MCUR1: variants seen among roughly 807,000 people sequenced by gnomAD.
MCUR1 encodes MCU regulator 1.
Under a neutral mutation model 42.0 loss-of-function variants are expected in MCUR1, and 37 were observed. The ratio of observed to expected loss-of-function variants is 0.88; its 90% CI spans 0.68 to 1.16. MCUR1 has a LOEUF of 1.16. MCUR1 is among the 50% of genes most tolerant of loss of function. The pLI is 0.00. For missense variants in MCUR1, 469 were observed against 468.4 expected (o/e 1.00, Z -0.01); for synonymous variants, 229 against 196.2 (o/e 1.17, Z -1.40).
rs1760323554 is a variant in MCUR1 at position 13,814,357 on chromosome 6, C to T, written c.73G>A (p.Val25Met). 6.6e-7 allele frequency: 1 copy of T among 1,523,012 alleles called. No homozygotes were observed. The highest frequency in any genetic ancestry group is 8.7e-7 in the Non-Finnish European group (1 of 1,143,700). 94.3% of individuals were successfully genotyped at this position (1,523,012 alleles called of 1,614,324 possible). Residue 25 changes from valine (V) to methionine (M), a missense_variant, in exon 1 of 9, where the codon GTG becomes ATG. Transcript: ENST00000379170. Reference protein sequence around the residue: ...PGRQRLLFLPVGLSGRPGGSE... With the variant: ...PGRQRLLFLPMGLSGRPGGSE... ...CCGCCCGGTCTTCCGCTGAGGCCCA[C>T]GGGCAAGAAGAGAAGCCGCTGGCGG...
intron 1 of MCUR1, among the ~76,000 whole-genome samples, chr6:13,808,146 C>T (rs917909339): frequency 1.5e-4 from 23 of 152,208 alleles, no homozygotes; most frequent in African/African-American, 5.3e-4. Flanking sequence ...TTCCCCGACA[C>T]GTGTGCTGTT....
chr6:13,796,369 T>C (rs1759856438), intron 6 of MCUR1, among the ~76,000 whole-genome samples: 1 of 150,692 alleles, frequency 6.6e-6, no homozygotes, highest in African/African-American at 2.5e-5. Context: ...CTCACTGCAA[T>C]CTCTGCCTCC....
Position 13,796,850 on chromosome 6 carries a change from TAC to T in MCUR1, c.855+1981_855+1982del, listed in dbSNP as rs530136051. ...TGTAGTTTTTCCCAGGTTGGTTAGC[TAC>T]ACACAGTCATTTTCCTATATCAAGT... On this transcript the variant is annotated intron_variant, in intron 6 of 8. Coordinates refer to ENST00000379170, the MANE Select transcript of MCUR1 (RefSeq NM_001031713.4). Among the ~76,000 whole-genome samples, 44 of 152,356 alleles carry T rather than the reference TAC, an allele frequency of 2.9e-4. No individual in the cohort carries two copies. The East Asian group carries it at 3.7e-3, about 13-fold the overall frequency.
chr6:13,795,251 G>C (rs1410899181), intron 6 of MCUR1, among the ~76,000 whole-genome samples: 5 of 152,106 alleles, frequency 3.3e-5, no homozygotes, highest in Non-Finnish European at 7.3e-5. Flanking sequence ...TTCAGACCAG[G>C]AGAGCCCGAT....
chr6:13,814,259 C>A lies in MCUR1; in HGVS notation c.171G>T (p.Pro57=). 1 of 1,474,918 alleles carries A rather than the reference C, an allele frequency of 6.8e-7. No individual in the cohort carries two copies. The highest frequency in any genetic ancestry group is 8.9e-7 in the Non-Finnish European group (1 of 1,120,516). 91.4% of individuals were successfully genotyped at this position (1,474,918 alleles called of 1,614,324 possible). A position where few individuals can be genotyped will look rare whatever the true frequency, so the allele number is the denominator to read the frequency against. ...DGLGALRPRA[P]AARGGVSRAS... ...CACGTGACACGCCGCCGCGGGCCGC[C>A]GGGGCGCGAGGGCGCAGCGCCCCCA... The change falls in exon 1 of 9, where the codon CCG becomes CCT. Residue 57 remains proline, a synonymous_variant. Coordinates refer to ENST00000379170, the MANE Select transcript of MCUR1 (RefSeq NM_001031713.4).
At chr6:13,813,350 C>A (rs1760279431) in intron 1 of MCUR1, among the ~76,000 whole-genome samples, 1 of 152,124 alleles carries the variant, frequency 6.6e-6, no homozygotes, top group Non-Finnish European at 1.5e-5. Flanking sequence ...ACTTCCCAAG[C>A]CTTATCCTAT....
intron 6 of MCUR1, among the ~76,000 whole-genome samples, chr6:13,797,879 C>G (rs1759892364): frequency 6.6e-6 from 1 of 150,474 alleles, no homozygotes; most frequent in South Asian, 2.1e-4. Context: ...TAAAAACTAG[C>G]CAGGTGTGGT....
Position 13,787,461 on chromosome 6 carries a change from T to G in MCUR1, c.*3348A>C, listed in dbSNP as rs376405891. The stretch of plus-strand genomic sequence containing the variant: ...CAGAAACAAAAAGTCATGTTTCCAG[T>G]AAAGAACCGTACACACAAGCAGGTT... On this transcript the variant is annotated 3_prime_UTR_variant, in exon 9 of 9. Transcript: ENST00000379170. 6.6e-6 allele frequency: 1 copy of G among 152,106 alleles called. No homozygotes were observed. The highest frequency in any genetic ancestry group is 1.9e-4 in the East Asian group (1 of 5,190). 9.4% of individuals were successfully genotyped at this position (152,106 alleles called of 1,614,324 possible).
At position 13,789,355 on chromosome 6, in the gene MCUR1, C is replaced by G. The variant is rs1353971354; in HGVS notation, c.*1454G>C. ...GGCAGAGGTTGCAGTGAGCAGAGATCACGACAATGCACTCCAGCCCTGCGA... is the reference window on the plus strand; with the variant it reads ...GGCAGAGGTTGCAGTGAGCAGAGATGACGACAATGCACTCCAGCCCTGCGA... On this transcript the variant is annotated 3_prime_UTR_variant, in exon 9 of 9. Coordinates refer to ENST00000379170, the MANE Select transcript of MCUR1 (RefSeq NM_001031713.4). 6.0e-5 allele frequency: 9 copies of G among 151,078 alleles called. No homozygotes were observed. The highest frequency in any genetic ancestry group is 2.2e-4 in the African/African-American group (9 of 40,976). 9.4% of individuals were successfully genotyped at this position (151,078 alleles called of 1,614,324 possible).
chr6:13,805,014 C>G (rs1352215048), intron 2 of MCUR1, among the ~76,000 whole-genome samples: 1 of 152,058 alleles, frequency 6.6e-6, no homozygotes, highest in African/African-American at 2.4e-5. Context: ...ATCTCAGACA[C>G]CCCCAACTCA....
intron 2 of MCUR1, chr6:13,804,234 G>A: frequency 5.2e-6 from 1 of 193,892 alleles, no homozygotes; most frequent in Non-Finnish European, 1.1e-5. Context: ...GAGGTGGGAG[G>A]ATCGCTTGAA....
chr6:13,801,966 ATAC>A (rs1760000765), intron 3 of MCUR1, among the ~76,000 whole-genome samples: 1 of 152,230 alleles, frequency 6.6e-6, no homozygotes, highest in Non-Finnish European at 1.5e-5. Context: ...TGATGCTATA[ATAC>A]TACAATTCAG....
intron 2 of MCUR1, among the ~76,000 whole-genome samples, chr6:13,802,917 T>C (rs767293714): frequency 2.0e-5 from 3 of 152,232 alleles, no homozygotes; most frequent in Non-Finnish European, 2.9e-5. Flanking sequence ...GCTAACTTCA[T>C]GTTAAAAGAC....
Position 13,814,537 on chromosome 6 carries a change from A to G in MCUR1, c.-108T>C. The G allele has an allele frequency of 8.9e-7, 1 of 1,119,558 alleles. No individual in the cohort carries two copies. Among genetic ancestry groups the G allele is most frequent in the East Asian group, 4.3e-5 (1 of 23,424 alleles). 69.4% of individuals were successfully genotyped at this position (1,119,558 alleles called of 1,614,324 possible). On this transcript the variant is annotated 5_prime_UTR_variant, in exon 1 of 9. Transcript: ENST00000379170. ...GACAGCGGGAGCGAGCGTGGGCCAC[A>G]GCGCAGGACCGCCCTTTCCTGCCGG... is the stretch of plus-strand genomic sequence containing the variant.
rs3207309 is a variant in MCUR1, at chr6:13,790,705, A to G, written c.*104T>C. On this transcript the variant is annotated 3_prime_UTR_variant, in exon 9 of 9. Coordinates refer to ENST00000379170, the MANE Select transcript of MCUR1 (RefSeq NM_001031713.4). ...TGACCTCAGGTAATCCACCTGCCTC[A>G]GCCTCCCAAAGTGCTGGAATTACAG... 1.1e-4 allele frequency: 85 copies of G among 784,260 alleles called. No individual in the cohort carries two copies. The African/African-American group carries it at 1.4e-3, about 13-fold the overall frequency. 48.6% of individuals were successfully genotyped at this position (784,260 alleles called of 1,614,324 possible). A position where few individuals can be genotyped will look rare whatever the true frequency, so the allele number is the denominator to read the frequency against.
rs1192622011 is a variant in MCUR1, at chr6:13,814,136, C to T, written c.294G>A (p.Gly98=). The change falls in exon 1 of 9, where the codon GGG becomes GGA. Residue 98 remains glycine, a synonymous_variant. Coordinates refer to ENST00000379170, the MANE Select transcript of MCUR1 (RefSeq NM_001031713.4). ...QLGDWERSRL[G]YAAPPAGRSS... is the part of the protein sequence containing the mutation. ...TGCGCCCGGCCGGGGGTGCGGCATA[C>T]CCGAGGCGCGAGCGCTCCCAGTCCC... The T allele has an allele frequency of 9.2e-6, 12 of 1,303,790 alleles. No individual in the cohort carries two copies. In the Admixed American group the frequency reaches 5.0e-4, roughly 55 times the overall value. The allele number at this position is 1,303,790 out of a possible 1,614,324, so 80.8% of individuals were successfully genotyped here. A position where few individuals can be genotyped will look rare whatever the true frequency, so the allele number is the denominator to read the frequency against.
chr6:13,797,129 CTTTT>C (rs1759873558), intron 6 of MCUR1, among the ~76,000 whole-genome samples: 1 of 152,162 alleles, frequency 6.6e-6, no homozygotes, highest in Non-Finnish European at 1.5e-5. Context: ...AAGTAGGTTA[CTTTT>C]TTGAGTTTCA....
At chr6:13,812,806 T>A (rs1760265379) in intron 1 of MCUR1, among the ~76,000 whole-genome samples, 1 of 152,226 alleles carries the variant, frequency 6.6e-6, no homozygotes, top group Non-Finnish European at 1.5e-5. Context: ...CTGCCCAAAG[T>A]GATAATTTTG....
chr6:13,801,456 T>C (rs1759987327), intron 3 of MCUR1, 67 bp from the exon 4 acceptor site: 1 of 1,062,232 alleles, frequency 9.4e-7, no homozygotes, highest in South Asian at 1.3e-5. Context: ...ATCATCTCAA[T>C]GTGCTATCTT....
Sources: gnomAD v4.1 joint callset for allele counts (sites outside exome capture counted in the v4.1 genomes callset) on GRCh38, gnomAD v4.1.1 for gene constraint, MANE v1.5 for transcripts, NCBI Gene and HGNC (gene_info 2026-07-23, HGNC 2026-07-21) for gene names.